The following MYO1H variants were observed in gnomAD, a reference collection of about 807,000 sequenced individuals.
MYO1H encodes the protein myosin IH, also known as unconventional myosin-Ih.
MYO1H carries 118 observed loss-of-function variants against 149.3 expected under a neutral mutation model. That is an observed-to-expected ratio of 0.79 (90% CI 0.68 to 0.92). The LOEUF (loss-of-function observed/expected upper bound fraction) is 0.92, where lower values mean the gene tolerates loss of function less well. MYO1H is among the 40% of genes least tolerant of loss of function. The pLI, the probability that MYO1H is intolerant of heterozygous loss-of-function variation, is 0.00. For missense variants in MYO1H, 1,212 were observed against 1,280.7 expected (o/e 0.95, Z 0.82); for synonymous variants, 447 against 465.2 (o/e 0.96, Z 0.50).
chr12:109,443,312 G>A (rs1566045394), intron 27 of MYO1H, among the ~76,000 whole-genome samples: 1 of 130,716 alleles, frequency 7.7e-6, no homozygotes, highest in Non-Finnish European at 1.6e-5. Context: ...ATATGTGTAC[G>A]TATATATGTG....
intron 5 of MYO1H, among the ~76,000 whole-genome samples, chr12:109,400,295 A>T (rs1236158667): frequency 6.6e-6 from 1 of 152,200 alleles, no homozygotes; most frequent in Non-Finnish European, 1.5e-5. Flanking sequence ...TGGGGTTCTT[A>T]CCAGCAAAGC....
chr12:109,338,426 G>A, the MYO1H span, among the ~76,000 whole-genome samples: 1 of 152,066 alleles, frequency 6.6e-6, no homozygotes, highest in East Asian at 1.9e-4. Context: ...GTCTCTCCAA[G>A]GTCACATTTC....
chr12:109,343,170 A>C (rs1315771512), upstream of MYO1H, among the ~76,000 whole-genome samples: 1 of 152,220 alleles, frequency 6.6e-6, no homozygotes, highest in African/African-American at 2.4e-5. Context: ...GTAGTATCAC[A>C]GGGACTAGAA....
At chr12:109,443,218 ATGTG>A (rs776483761) in intron 27 of MYO1H, among the ~76,000 whole-genome samples, 1 of 132,082 alleles carries the variant, frequency 7.6e-6, no homozygotes, top group African/African-American at 2.9e-5. Context: ...GTGTACGTAT[ATGTG>A]TGTGTATATG....
At chr12:109,401,110 G>A (rs1221515945) in exon 6 of MYO1H, 2 of 1,613,786 alleles carry the variant, frequency 1.2e-6, no homozygotes, top group Non-Finnish European at 1.7e-6. Flanking sequence ...CCGTAGGTGG[G>A]CATATCATCA....
intron 1 of MYO1H, among the ~76,000 whole-genome samples, chr12:109,379,366 C>G (rs986451585): frequency 6.6e-6 from 1 of 152,156 alleles, no homozygotes; most frequent in African/African-American, 2.4e-5. Flanking sequence ...TGTATATGCT[C>G]CAGTTGTTGG....
chr12:109,447,296 C>T, exon 32 of MYO1H: 1 of 919,298 alleles, frequency 1.1e-6, no homozygotes, highest in Non-Finnish European at 1.8e-6. Flanking sequence ...AGGCCCGCAG[C>T]ACTAACAGAT....
chr12:109,408,343 A>T lies in MYO1H; in HGVS notation c.1155+430A>T, dbSNP rs572628013. Among the ~76,000 whole-genome samples the T allele has an allele frequency of 6.7e-5, 6 of 89,496 alleles. No individual in the cohort carries two copies. The South Asian group carries it at 1.3e-3, about 20-fold the overall frequency. 58.7% of individuals were successfully genotyped at this position (89,496 alleles called of 152,430 possible). On this transcript the variant is annotated intron_variant, in intron 10 of 31. Coordinates refer to ENST00000310903, the Ensembl canonical transcript of MYO1H. ...CATACCACCATGCCCTGCTAATTTT[A>T]AAAAAAAATTTTGTAGAGATGAGGT...
intron 23 of MYO1H, 119 bp from the exon 24 acceptor site, chr12:109,439,512 T>C (rs190282581): frequency 4.4e-5 from 26 of 585,220 alleles, no homozygotes; most frequent in Non-Finnish European, 6.3e-5. Flanking sequence ...CTCTGGCCTA[T>C]GTGGTCATCT....
chr12:109,372,084 T>C (rs1287807278), intron 1 of MYO1H, among the ~76,000 whole-genome samples: 1 of 152,162 alleles, frequency 6.6e-6, no homozygotes, highest in East Asian at 1.9e-4. Flanking sequence ...TAAATATTTT[T>C]CCTAGAATTG....
intron 15 of MYO1H, 67 bp downstream of exon 15, chr12:109,415,687 C>A: frequency 8.4e-7 from 1 of 1,188,910 alleles, no homozygotes; most frequent in East Asian, 2.7e-5. Context: ...CAATAAGCTC[C>A]GAGTCCATGC....
At chr12:109,330,927 G>T in the MYO1H span, among the ~76,000 whole-genome samples, 24,728 of 152,082 alleles carry the variant, frequency 0.16, 2,103 homozygotes, top group Middle Eastern at 0.21. Context: ...TTAGCATCTG[G>T]GTGGTGGTCA....
chr12:109,419,375 T>C (rs558290444), intron 15 of MYO1H, among the ~76,000 whole-genome samples: 1 of 152,228 alleles, frequency 6.6e-6, no homozygotes, highest in African/African-American at 2.4e-5. Context: ...TTTCTACTTC[T>C]CTGTAGCACC....
intron 1 of MYO1H, among the ~76,000 whole-genome samples, chr12:109,373,370 T>C (rs1869025905): frequency 6.6e-6 from 1 of 152,150 alleles, no homozygotes; most frequent in African/African-American, 2.4e-5. Context: ...CTACTGTTTT[T>C]GTAATTATCA....
rs757057892 is a variant in MYO1H, at chr12:109,443,242, ATG to A, written c.2689-264_2689-263del. ...TATGTGTGTGTATATGTGTACGTAT[ATG>A]TGTGTGTATATGTGTACGTATATGT... On this transcript the variant is annotated intron_variant, in intron 27 of 31. Coordinates refer to ENST00000310903, the Ensembl canonical transcript of MYO1H. 1.3e-4 allele frequency among the ~76,000 whole-genome samples: 16 copies of A among 126,824 alleles called. 4 individuals carry two copies. Among genetic ancestry groups the A allele is most frequent in the Admixed American group, 3.8e-4 (5 of 13,164 alleles). The allele number at this position is 126,824 out of a possible 152,430, so 83.2% of individuals were successfully genotyped here. A position where few individuals can be genotyped will look rare whatever the true frequency, so the allele number is the denominator to read the frequency against.
chr12:109,405,118 C>CG (rs561514335), intron 7 of MYO1H, among the ~76,000 whole-genome samples: 86 of 151,718 alleles, frequency 5.7e-4, no homozygotes, highest in African/African-American at 2.1e-3. Flanking sequence ...GAGGCTGATG[C>CG]GGGAGGATCG....
chr12:109,386,995 CGTGTGTGTGTGTGTGTGTGTGTGTGT>C (rs55675476), intron 1 of MYO1H, among the ~76,000 whole-genome samples: 10 of 141,090 alleles, frequency 7.1e-5, no homozygotes, highest in Admixed American at 1.4e-4. Flanking sequence ...ATCTCAAGTT[CGTGTGTGTGTGTGTGTGTGTGTGTGT>C]GTGTGTGTGT....
At chr12:109,411,541 C>T (rs1015581141) in intron 13 of MYO1H, among the ~76,000 whole-genome samples, 4 of 152,214 alleles carry the variant, frequency 2.6e-5, no homozygotes, top group Non-Finnish European at 4.4e-5. Context: ...GGCTTTTCTT[C>T]TACAACAAGA....
chr12:109,444,262 A>C, exon 29 of MYO1H: 1 of 1,613,794 alleles, frequency 6.2e-7, no homozygotes, highest in Non-Finnish European at 8.5e-7. Context: ...TTCATGTTTC[A>C]CCAGAGGACA....
Sources: gnomAD v4.1 joint callset for allele counts (sites outside exome capture counted in the v4.1 genomes callset) on GRCh38, gnomAD v4.1.1 for gene constraint, MANE v1.5 for transcripts, NCBI Gene and HGNC (gene_info 2026-07-23, HGNC 2026-07-21) for gene names.